The following KCNA6 variants were observed in gnomAD, a reference collection of about 807,000 sequenced individuals.
KCNA6 encodes the protein human brain potassium channel-2.
Under a neutral mutation model 29.5 loss-of-function variants are expected in KCNA6, and 17 were observed. The ratio of observed to expected loss-of-function variants is 0.58; its 90% CI spans 0.39 to 0.86. KCNA6 has a LOEUF of 0.86. Ranked by LOEUF, KCNA6 falls within the 40% of genes least tolerant of loss-of-function variation. The pLI is 0.00. For missense variants in KCNA6, 450 were observed against 703.4 expected, an observed-to-expected ratio of 0.64 and a Z score of 4.07; for synonymous variants, 296 against 304.7, an observed-to-expected ratio of 0.97 and a Z score of 0.30.
chr12:4,843,105 A>G, the KCNA6 span, among the ~76,000 whole-genome samples: 1 of 152,148 alleles, frequency 6.6e-6, no homozygotes, highest in Admixed American at 6.5e-5. Context: ...ATAATTCAAT[A>G]GTCACTTCAT....
At chr12:4,842,846 T>C in the KCNA6 span, among the ~76,000 whole-genome samples, 1 of 152,148 alleles carries the variant, frequency 6.6e-6, no homozygotes, top group East Asian at 1.9e-4. Context: ...AGTGAAAGTA[T>C]CAGTCTGGCC....
At chr12:4,816,312 T>C (rs1462855718), downstream of KCNA6, among the ~76,000 whole-genome samples, 2 of 151,442 alleles carry the variant, frequency 1.3e-5, no homozygotes, top group African/African-American at 4.9e-5. Flanking sequence ...GTGTGCTTCG[T>C]TTTGACATCA....
At chr12:4,812,143 C>T (rs916684116) in exon 1 of KCNA6, 1 of 171,700 alleles carries the variant, frequency 5.8e-6, no homozygotes, top group Admixed American at 6.2e-5. Flanking sequence ...AATCACTGGT[C>T]CTCCTGCAGA....
the KCNA6 span, among the ~76,000 whole-genome samples, chr12:4,823,127 G>T: frequency 6.6e-6 from 1 of 152,298 alleles, no homozygotes; most frequent in African/African-American, 2.4e-5. Flanking sequence ...GGCCTCACTT[G>T]TTCCAACAGA....
chr12:4,814,729 G>C (rs115838094), downstream of KCNA6: 1 of 167,104 alleles, frequency 6.0e-6, no homozygotes, highest in Non-Finnish European at 1.5e-5. This position sits in a 1 kb window ranked among gnomAD's most constrained non-coding sequence, Gnocchi z 4.6. Flanking sequence ...CCTGAGATGC[G>C]GGATATTCGT....
the KCNA6 span, among the ~76,000 whole-genome samples, chr12:4,842,120 A>G: frequency 6.6e-6 from 1 of 151,260 alleles, no homozygotes; most frequent in South Asian, 2.1e-4. Context: ...CAAATGTAAA[A>G]TTGCCACTGC....
At chr12:4,819,959 G>T in the KCNA6 span, among the ~76,000 whole-genome samples, 1 of 152,184 alleles carries the variant, frequency 6.6e-6, no homozygotes, top group African/African-American at 2.4e-5. Context: ...GCAAAGCATG[G>T]CTCTTCCCAC....
chr12:4,830,484 G>A, the KCNA6 span, among the ~76,000 whole-genome samples: 3 of 152,188 alleles, frequency 2.0e-5, no homozygotes, highest in African/African-American at 7.2e-5. Context: ...GCAGTGGTGA[G>A]TCCCACTCCG....
the KCNA6 span, among the ~76,000 whole-genome samples, chr12:4,835,413 C>T: frequency 1.3e-5 from 2 of 152,256 alleles, no homozygotes; most frequent in East Asian, 3.9e-4. Context: ...GGATTACGGG[C>T]TTGAGCCACC....
chr12:4,836,780 T>C, the KCNA6 span, among the ~76,000 whole-genome samples: 2 of 152,148 alleles, frequency 1.3e-5, no homozygotes, highest in Non-Finnish European at 2.9e-5. Context: ...CAGACTAGCA[T>C]TGAGGGCACC....
chr12:4,835,584 A>C, the KCNA6 span, among the ~76,000 whole-genome samples: 1 of 151,644 alleles, frequency 6.6e-6, no homozygotes, highest in Non-Finnish European at 1.5e-5. Flanking sequence ...TCATCTAACT[A>C]TGCGCTTAGA....
At chr12:4,845,713 A>T in the KCNA6 span, among the ~76,000 whole-genome samples, 4 of 152,198 alleles carry the variant, frequency 2.6e-5, no homozygotes, top group African/African-American at 9.6e-5. Context: ...TTCAGTCCAG[A>T]GACTCAGTTT....
At chr12:4,848,206 C>T in the KCNA6 span, among the ~76,000 whole-genome samples, 1 of 151,530 alleles carries the variant, frequency 6.6e-6, no homozygotes, top group African/African-American at 2.4e-5. Context: ...AAGGTGTGTC[C>T]ACCTGCAACC....
the KCNA6 span, among the ~76,000 whole-genome samples, chr12:4,824,533 A>G: frequency 6.6e-6 from 1 of 152,232 alleles, no homozygotes; most frequent in Admixed American, 6.5e-5. Context: ...ATTTTGTTAA[A>G]TTCCTAAAGA....
chr12:4,836,477 A>G, the KCNA6 span, among the ~76,000 whole-genome samples: 20 of 152,164 alleles, frequency 1.3e-4, no homozygotes, highest in Non-Finnish European at 1.6e-4. Flanking sequence ...TGGAATTTTC[A>G]TTGTTGAAAA....
chr12:4,824,933 A>G, the KCNA6 span, among the ~76,000 whole-genome samples: 1 of 152,248 alleles, frequency 6.6e-6, no homozygotes, highest in African/African-American at 2.4e-5. Context: ...ATGACATGAA[A>G]TAATTGAGCA....
Position 4,810,539 on chromosome 12 carries a change from C to T in KCNA6, c.498C>T (p.Tyr166=), listed in dbSNP as rs1251221789. The T allele has an allele frequency of 2.5e-6, 4 of 1,614,158 alleles. No individual in the cohort carries two copies. The highest frequency in any genetic ancestry group is 1.7e-5 in the Admixed American group (1 of 60,024). The change falls in exon 1 of 1, where the codon TAC becomes TAT. Residue 166 remains tyrosine (Y), a synonymous_variant. Transcript: ENST00000280684. The surrounding 1 kb of genome is among the most constrained non-coding windows in gnomAD (Gnocchi z 7.5). ...GCCAGGTGTGGCTGCTCTTTGAGTA[C>T]CCAGAGAGCTCTGGGCCGGCCAGGG...
chr12:4,827,861 G>A, the KCNA6 span, among the ~76,000 whole-genome samples: 2 of 152,194 alleles, frequency 1.3e-5, no homozygotes, highest in African/African-American at 4.8e-5. Context: ...GCAGCCTCAC[G>A]AAGCCTCACA....
At chr12:4,809,373 G>T (rs1946596529) in exon 1 of KCNA6, 1 of 151,940 alleles carries the variant, frequency 6.6e-6, no homozygotes, top group East Asian at 2.0e-4. Context: ...GGCGGCGGCA[G>T]CGAAGCCTTG....
Sources: allele counts gnomAD v4.1 joint callset (sites outside exome capture counted in the v4.1 genomes callset), GRCh38; gene constraint gnomAD v4.1.1; non-coding constraint Gnocchi (gnomAD v3.1); transcripts MANE v1.5; gene names NCBI Gene and HGNC (gene_info 2026-07-23, HGNC 2026-07-21).